Variants in COL25A1 observed in about 807,000 individuals in gnomAD.
COL25A1 encodes collagen alpha-1(XXV) chain.
Under a neutral mutation model 128.4 loss-of-function variants are expected in COL25A1, and 103 were observed. The observed-to-expected ratio is 0.80, with a 90% confidence interval of 0.68 to 0.94. COL25A1 has a LOEUF of 0.94. Ranked by LOEUF, COL25A1 falls within the 40% of genes least tolerant of loss-of-function variation. COL25A1 has a pLI of 0.00. For synonymous variants in COL25A1, 279 were observed against 277.2 expected (o/e 1.01, Z -0.06); for missense variants, 745 against 840.0 (o/e 0.89, Z 1.40).
chr4:108,865,109 T>C (rs1328900995), intron 20 of COL25A1, among the ~76,000 whole-genome samples: 1 of 152,176 alleles, frequency 6.6e-6, no homozygotes, highest in Non-Finnish European at 1.5e-5. Context: ...CTTTTAATAC[T>C]CCCTAAACAC....
chr4:109,160,490 G>A (rs778760975), intron 3 of COL25A1, among the ~76,000 whole-genome samples: 1 of 152,088 alleles, frequency 6.6e-6, no homozygotes, highest in Non-Finnish European at 1.5e-5. Context: ...TTAAATTGAA[G>A]GTAAAGAAAA....
Position 109,146,049 on chromosome 4 carries a change from CTT to C in COL25A1, c.368-95872_368-95871del, listed in dbSNP as rs1290167358. 3.9e-5 allele frequency among the ~76,000 whole-genome samples: 6 copies of C among 152,116 alleles called. No individual in the cohort carries two copies. In the East Asian group the frequency reaches 5.8e-4, roughly 15 times the overall value. Reference sequence around the variant, plus strand: ...ATTAATGTGAACTTAATTTCTGTAACTTAATATAAACAATCAAATAAATTCTT... The same window carrying C: ...ATTAATGTGAACTTAATTTCTGTAACAATATAAACAATCAAATAAATTCTT... On this transcript the variant is annotated intron_variant, in intron 3 of 37. Transcript: ENST00000399132.
At chr4:109,066,166 T>C (rs945858065) in intron 3 of COL25A1, among the ~76,000 whole-genome samples, 2 of 152,194 alleles carry the variant, frequency 1.3e-5, no homozygotes, top group African/African-American at 4.8e-5. Flanking sequence ...ATGAATGAAA[T>C]GATTACCCTA....
chr4:109,273,761 G>C (rs1025579243), intron 3 of COL25A1, among the ~76,000 whole-genome samples: 8 of 152,020 alleles, frequency 5.3e-5, no homozygotes, highest in Admixed American at 1.3e-4. Context: ...CTCCACCTTG[G>C]GCAAAGAGCC....
chr4:109,109,256 G>A (rs781731222), intron 3 of COL25A1, among the ~76,000 whole-genome samples: 22 of 152,104 alleles, frequency 1.4e-4, no homozygotes, highest in Non-Finnish European at 2.8e-4. Flanking sequence ...ACCTGGCTGT[G>A]TCAAGAGTTA....
chr4:108,895,895 C>T (rs186689105), intron 16 of COL25A1, among the ~76,000 whole-genome samples: 217 of 151,486 alleles, frequency 1.4e-3, no homozygotes, highest in Non-Finnish European at 2.4e-3. Context: ...TTCCCCAAGT[C>T]CCCAAAGTCC....
At chr4:109,098,448 A>G (rs72617751) in intron 3 of COL25A1, among the ~76,000 whole-genome samples, 34,893 of 151,876 alleles carry the variant, frequency 0.23, 5,109 homozygotes, top group African/African-American at 0.4. Context: ...TAGATGTAAG[A>G]CTTTGGATAA....
At chr4:109,049,994 ATACAAC>A (rs1172293852) in intron 4 of COL25A1, 135 bp downstream of exon 4, 2 of 564,318 alleles carry the variant, frequency 3.5e-6, no homozygotes, top group Admixed American at 3.0e-5. Flanking sequence ...AAATAAACAA[ATACAAC>A]TAGGTCTAGC....
intron 17 of COL25A1, 40 bp downstream of exon 17, chr4:108,889,661 G>C: frequency 1.9e-6 from 3 of 1,589,910 alleles, no homozygotes; most frequent in Non-Finnish European, 2.6e-6. Context: ...AATCAGAACT[G>C]TAACTCCTGG....
At position 109,138,686 on chromosome 4, in the gene COL25A1, TTTTG is replaced by T. The variant is rs1354770869; in HGVS notation, c.368-88511_368-88508del. Among the ~76,000 whole-genome samples, 8 of 152,068 alleles carry T rather than the reference TTTTG, an allele frequency of 5.3e-5. No homozygotes were observed. The South Asian group carries it at 1.2e-3, about 24-fold the overall frequency. ...TTTTTTGGTTGTTGTTGTTTTTTGTTTTTGTTTTTGTTTTTTGTTTTTTGTTTTT... is the reference window on the plus strand; with the variant it reads ...TTTTTTGGTTGTTGTTGTTTTTTGTTTTTTTGTTTTTTGTTTTTTGTTTTT... On this transcript the variant is annotated intron_variant, in intron 3 of 37. Coordinates refer to ENST00000399132, the MANE Select transcript of COL25A1 (RefSeq NM_198721.4).
intron 8 of COL25A1, among the ~76,000 whole-genome samples, chr4:108,958,320 C>T (rs1750302887): frequency 6.6e-6 from 1 of 151,948 alleles, no homozygotes; most frequent in Admixed American, 6.6e-5. Context: ...AACCCAACTG[C>T]ACAAAGAAAA....
intron 8 of COL25A1, among the ~76,000 whole-genome samples, chr4:108,951,764 T>G (rs1446476213): frequency 6.7e-6 from 1 of 148,840 alleles, no homozygotes; most frequent in Non-Finnish European, 1.5e-5. Flanking sequence ...CTTGAACAGA[T>G]GTAAGGCTAT....
Position 109,050,119 on chromosome 4 carries a change from TGAAA to T in COL25A1, c.412+12_412+15del. On this transcript the variant is annotated intron_variant, in intron 4 of 37. Transcript: ENST00000399132. ...CAGAACATGAGTGACACAGAGCAGC[TGAAA>T]GAGAGACTTACCAGATTCTCCTCTT... 6.2e-7 allele frequency: 1 copy of T among 1,606,930 alleles called. No individual in the cohort carries two copies. Among genetic ancestry groups the T allele is most frequent in the South Asian group, 1.1e-5 (1 of 90,214 alleles).
chr4:109,080,703 A>G (rs1763762321), intron 3 of COL25A1, among the ~76,000 whole-genome samples: 1 of 152,216 alleles, frequency 6.6e-6, no homozygotes, highest in South Asian at 2.1e-4. Context: ...TTATTTAGAT[A>G]TATCAGACTT....
At chr4:109,078,622 C>A (rs1036220930) in intron 3 of COL25A1, among the ~76,000 whole-genome samples, 5 of 152,130 alleles carry the variant, frequency 3.3e-5, no homozygotes, top group African/African-American at 1.2e-4. Context: ...ACTATTTACA[C>A]AAAAGCCCAT....
chr4:109,256,874 TAAG>T (rs1781120772), intron 3 of COL25A1, among the ~76,000 whole-genome samples: 1 of 152,214 alleles, frequency 6.6e-6, no homozygotes, highest in Non-Finnish European at 1.5e-5. Context: ...AACTGGAATC[TAAG>T]AAGGTTAACT....
intron 3 of COL25A1, among the ~76,000 whole-genome samples, chr4:109,059,303 T>A (rs929423986): frequency 2.6e-5 from 4 of 152,152 alleles, no homozygotes; most frequent in African/African-American, 9.7e-5. Flanking sequence ...AGGTAGTAAA[T>A]GGTGGGTTAG....
At chr4:109,224,675 C>T (rs1778663664) in intron 3 of COL25A1, among the ~76,000 whole-genome samples, 1 of 152,148 alleles carries the variant, frequency 6.6e-6, no homozygotes, top group Admixed American at 6.5e-5. Flanking sequence ...CACAGTGGCT[C>T]ACACCTGTAA....
chr4:109,222,209 A>C (rs1778479174), intron 3 of COL25A1, among the ~76,000 whole-genome samples: 1 of 148,380 alleles, frequency 6.7e-6, no homozygotes, highest in South Asian at 2.1e-4. Context: ...GATTACAGGC[A>C]TGTGCCACCA....
Sources: gnomAD v4.1 joint callset for allele counts (sites outside exome capture counted in the v4.1 genomes callset) on GRCh38, gnomAD v4.1.1 for gene constraint, MANE v1.5 for transcripts, NCBI Gene and HGNC (gene_info 2026-07-23, HGNC 2026-07-21) for gene names.